GPHN: variants seen among roughly 807,000 people sequenced by gnomAD.
GPHN encodes gephyrin.
In GPHN, 17 loss-of-function variants were observed where a neutral mutation model predicts 95.5. That is an observed-to-expected ratio of 0.18 (90% CI 0.12 to 0.27). The LOEUF (loss-of-function observed/expected upper bound fraction) is 0.27. Ranked by LOEUF, GPHN falls within the 10% of genes least tolerant of loss-of-function variation. The pLI is 1.00. For missense variants in GPHN, 660 were observed against 978.1 expected (o/e 0.67, Z 4.34); for synonymous variants, 320 against 322.5 (o/e 0.99, Z 0.08).
chr14:66,778,213 TC>T (rs1411941603), intron 3 of GPHN, among the ~76,000 whole-genome samples: 1 of 152,070 alleles, frequency 6.6e-6, no homozygotes, highest in Non-Finnish European at 1.5e-5. Context: ...ATGAGTGAAC[TC>T]CCATTCACAA....
At chr14:66,700,445 G>A (rs73287841) in intron 2 of GPHN, among the ~76,000 whole-genome samples, 1,915 of 152,206 alleles carry the variant, frequency 0.013, 39 homozygotes, top group African/African-American at 0.043. Flanking sequence ...ACGCATGTTG[G>A]CTGTTGCTGT....
chr14:66,836,129 C>T (rs1368088965), intron 4 of GPHN, among the ~76,000 whole-genome samples: 16 of 131,384 alleles, frequency 1.2e-4, no homozygotes, highest in South Asian at 7.4e-4. Flanking sequence ...GAGCCCGCAT[C>T]GCCAAGTCAA....
At chr14:67,015,403 T>TA (rs936939429) in intron 9 of GPHN, among the ~76,000 whole-genome samples, 9 of 151,978 alleles carry the variant, frequency 5.9e-5, no homozygotes, top group East Asian at 1.9e-4. Context: ...TACATAGATT[T>TA]AAAAAAAACA....
At chr14:67,692,527 G>A in the GPHN span, 1 of 1,612,698 alleles carries the variant, frequency 6.2e-7, no homozygotes, top group African/African-American at 1.3e-5. Flanking sequence ...CCCTGTCGTG[G>A]TCTGGATCTC....
chr14:67,637,649 G>A, the GPHN span, among the ~76,000 whole-genome samples: 6 of 152,212 alleles, frequency 3.9e-5, no homozygotes, highest in Admixed American at 2.0e-4. Context: ...GGCACAGTGG[G>A]CATTAGAGGA....
chr14:66,821,950 T>TTTTG lies in GPHN; in HGVS notation c.202-2509_202-2506dup, dbSNP rs759010284. The stretch of plus-strand genomic sequence containing the variant: ...GTAATATTACTGTAATAAAACTGAT[T>TTTTG]TTTGTTTGTTTGTTTGTTCGAGACG... On this transcript the variant is annotated intron_variant, in intron 3 of 22. Transcript: ENST00000478722. Among the ~76,000 whole-genome samples, 19 of 152,168 alleles carry TTTTG rather than the reference T, an allele frequency of 1.2e-4. 1 individual carries two copies. The highest frequency in any genetic ancestry group is 5.8e-4 in the East Asian group (3 of 5,186).
At chr14:67,303,941 T>C in the GPHN span, 1 of 216,860 alleles carries the variant, frequency 4.6e-6, no homozygotes, top group South Asian at 7.3e-5. Context: ...CTGATTTTTG[T>C]ATTTTTGGTA....
In GPHN at chr14:66,695,744, G is replaced by A. The variant is rs376303947; in HGVS notation, c.143+14559G>A. 5.8e-4 allele frequency among the ~76,000 whole-genome samples: 88 copies of A among 152,276 alleles called. 3 individuals carry two copies. Among genetic ancestry groups the A allele is most frequent in the African/African-American group, 2.1e-3 (86 of 41,562 alleles). The stretch of plus-strand genomic sequence containing the variant: ...CTTAAATGCATATTACTACATCAAA[G>A]CAGCCAATCTGCAAAAGCTACACAT... On this transcript the variant is annotated intron_variant, in intron 2 of 22. Coordinates refer to ENST00000478722, the MANE Select transcript of GPHN (RefSeq NM_020806.5).
At chr14:66,594,361 C>G (rs1417515448) in intron 1 of GPHN, among the ~76,000 whole-genome samples, 2 of 151,934 alleles carry the variant, frequency 1.3e-5, no homozygotes, top group South Asian at 4.1e-4. Context: ...ATAGCTAGAG[C>G]AATGTTGAGT....
At chr14:67,656,836 A>G in the GPHN span, among the ~76,000 whole-genome samples, 129 of 152,342 alleles carry the variant, frequency 8.5e-4, no homozygotes, top group African/African-American at 3.0e-3. Context: ...AGGCAAGGAA[A>G]GATGGATTAA....
chr14:67,650,880 C>T, the GPHN span: 1 of 1,614,186 alleles, frequency 6.2e-7, no homozygotes, highest in Non-Finnish European at 8.5e-7. Context: ...ACTCCCAGTT[C>T]ACCAGATGAA....
chr14:67,026,884 C>T (rs112595270), intron 10 of GPHN, among the ~76,000 whole-genome samples: 13 of 152,272 alleles, frequency 8.5e-5, no homozygotes, highest in South Asian at 6.2e-4. Flanking sequence ...CCTCGTGATC[C>T]GCCCACCTCG....
At chr14:66,998,337 T>G (rs1028776935) in intron 9 of GPHN, among the ~76,000 whole-genome samples, 4 of 152,176 alleles carry the variant, frequency 2.6e-5, no homozygotes, top group African/African-American at 9.6e-5. Flanking sequence ...ATAGGTGCTG[T>G]TTATGTTTAA....
chr14:66,784,885 C>T (rs752499299), intron 3 of GPHN, among the ~76,000 whole-genome samples: 127 of 152,156 alleles, frequency 8.3e-4, no homozygotes, highest in Non-Finnish European at 6.0e-4. Context: ...TTAATACTTA[C>T]CTTAAATATA....
chr14:67,473,766 T>C, the GPHN span: 1 of 1,613,778 alleles, frequency 6.2e-7, no homozygotes, highest in Non-Finnish European at 8.5e-7. This position sits in a 1 kb window ranked among gnomAD's most constrained non-coding sequence, Gnocchi z 6.5. Context: ...GGAGGTGCCG[T>C]AGATGAAGAG....
chr14:66,926,359 G>T (rs2066481712), intron 8 of GPHN, among the ~76,000 whole-genome samples: 1 of 152,054 alleles, frequency 6.6e-6, no homozygotes, highest in Non-Finnish European at 1.5e-5. Flanking sequence ...TCCTTTTAGT[G>T]GTTTCATAGT....
the GPHN span, among the ~76,000 whole-genome samples, chr14:67,350,375 C>T: frequency 1.3e-5 from 2 of 151,974 alleles, no homozygotes; most frequent in Non-Finnish European, 2.9e-5. Context: ...TATGATACAA[C>T]GTTAAATGAA....
intron 1 of GPHN, among the ~76,000 whole-genome samples, chr14:66,515,269 A>C (rs573997660): frequency 2.0e-5 from 3 of 152,278 alleles, no homozygotes; most frequent in Non-Finnish European, 4.4e-5. Flanking sequence ...ATTGGATAGA[A>C]GGTGTTTAAT....
At chr14:67,443,449 T>G in the GPHN span, among the ~76,000 whole-genome samples, 1 of 152,138 alleles carries the variant, frequency 6.6e-6, no homozygotes, top group Non-Finnish European at 1.5e-5. Flanking sequence ...AGAAGGCATT[T>G]CAAGCCGATG....
Sources: gnomAD v4.1 joint callset for allele counts (sites outside exome capture counted in the v4.1 genomes callset) on GRCh38, gnomAD v4.1.1 for gene constraint, Gnocchi (gnomAD v3.1) non-coding constraint, MANE v1.5 for transcripts, NCBI Gene and HGNC (gene_info 2026-07-23, HGNC 2026-07-21) for gene names.